KIF19: variants seen among roughly 807,000 people sequenced by gnomAD.
KIF19 encodes kinesin-like protein KIF19.
In KIF19, 98 loss-of-function variants were observed where a neutral mutation model predicts 106.6. The ratio of observed to expected loss-of-function variants is 0.92; its 90% CI spans 0.78 to 1.09. The LOEUF is 1.09. Among genes scored for constraint, KIF19 ranks in the 50% least tolerant of loss-of-function variants. KIF19 has a pLI of 0.00. For missense variants in KIF19, 1,373 were observed against 1,414.3 expected (o/e 0.97, Z 0.47); for synonymous variants, 516 against 584.2 (o/e 0.88, Z 1.68).
rs976709480 is a variant in KIF19 at position 74,331,337 on chromosome 17, A to T, written c.120+2832A>T. 6.6e-6 allele frequency among the ~76,000 whole-genome samples: 1 copy of T among 151,860 alleles called. No individual in the cohort carries two copies. Among genetic ancestry groups the T allele is most frequent in the Admixed American group, 6.6e-5 (1 of 15,246 alleles). The stretch of plus-strand genomic sequence containing the variant: ...GGGTGTATTTGGGAGCTGAGCCAGG[A>T]CATGTTCGTCCTGAGTGGGGAGAGG... On this transcript the variant is annotated intron_variant, in intron 2 of 19. Transcript: ENST00000389916. The surrounding 1 kb of genome is among the most constrained non-coding windows in gnomAD (Gnocchi z 4.1).
At chr17:74,335,242 T>A (rs2054191839) in intron 2 of KIF19, among the ~76,000 whole-genome samples, 1 of 152,140 alleles carries the variant, frequency 6.6e-6, no homozygotes, top group East Asian at 1.9e-4. Context: ...CATTCTACAA[T>A]GCACAGAACT....
intron 6 of KIF19, 89 bp downstream of exon 6, chr17:74,344,437 C>A: frequency 6.5e-7 from 1 of 1,532,004 alleles, no homozygotes; most frequent in Non-Finnish European, 8.8e-7. Context: ...CAGGGAGCTG[C>A]TCCCCACTCG....
chr17:74,338,266 A>G (rs1598378310), intron 2 of KIF19, among the ~76,000 whole-genome samples: 2 of 152,230 alleles, frequency 1.3e-5, no homozygotes, highest in Admixed American at 1.3e-4. Flanking sequence ...ATGGGGACCC[A>G]TACCGGGGAA....
chr17:74,330,580 C>T (rs1025981390), intron 2 of KIF19, among the ~76,000 whole-genome samples: 1 of 152,200 alleles, frequency 6.6e-6, no homozygotes, highest in Admixed American at 6.5e-5. Context: ...CTCTGCTACT[C>T]CTGGCTCCTG....
intron 2 of KIF19, among the ~76,000 whole-genome samples, chr17:74,338,696 A>G (rs778122615): frequency 1.1e-4 from 17 of 151,948 alleles, no homozygotes; most frequent in Admixed American, 6.5e-4. Flanking sequence ...GGTTTGACCC[A>G]GGGCACACGT....
intron 1 of KIF19, 115 bp downstream of exon 1, chr17:74,326,503 C>T (rs1214113407): frequency 3.0e-6 from 3 of 992,124 alleles, no homozygotes; most frequent in African/African-American, 1.6e-5. Flanking sequence ...AGGCAACGAC[C>T]AGGGCCGGGA....
rs544307330 is a variant in KIF19, at chr17:74,332,480, C to T, written c.120+3975C>T. On this transcript the variant is annotated intron_variant, in intron 2 of 19. Transcript: ENST00000389916. ...TCCAATCCCCCATCCCTCCCAAAGC[C>T]TGCAGCCCACAGACCCTCCTCCTAG... 2.0e-5 allele frequency among the ~76,000 whole-genome samples: 3 copies of T among 152,282 alleles called. No homozygotes were observed. The South Asian group carries it at 6.2e-4, about 32-fold the overall frequency.
intron 2 of KIF19, among the ~76,000 whole-genome samples, chr17:74,338,783 G>A (rs1015779448): frequency 3.3e-5 from 5 of 151,862 alleles, no homozygotes; most frequent in African/African-American, 4.8e-5. Context: ...CCGCAAGCTC[G>A]ATCTGGGTGG....
chr17:74,329,940 G>A (rs1049025192), intron 2 of KIF19, among the ~76,000 whole-genome samples: 3 of 152,220 alleles, frequency 2.0e-5, no homozygotes, highest in African/African-American at 4.8e-5. Flanking sequence ...CCTGGGCCCA[G>A]GATAAGCAAA....
intron 2 of KIF19, among the ~76,000 whole-genome samples, chr17:74,336,188 C>T (rs2054216190): frequency 6.6e-6 from 1 of 152,210 alleles, no homozygotes; most frequent in Admixed American, 6.5e-5. Flanking sequence ...CATGCCTCAG[C>T]CTCCCAAGTA....
In KIF19 at chr17:74,326,274, C is replaced by A. The variant is rs962739146; in HGVS notation, c.-76C>A. 1.4e-6 allele frequency: 2 copies of A among 1,406,376 alleles called. No homozygotes were observed. Among genetic ancestry groups the A allele is most frequent in the Non-Finnish European group, 1.9e-6 (2 of 1,037,522 alleles). The allele number at this position is 1,406,376 out of a possible 1,614,324, so 87.1% of individuals were successfully genotyped here. On this transcript the variant is annotated 5_prime_UTR_variant, in exon 1 of 20. Transcript: ENST00000389916. ...CGGCGGGCAGCTAGCAGCTGGCGGACGCGACCCGGAGGCGGTGGGGGTGCG... is the reference window on the plus strand; with the variant it reads ...CGGCGGGCAGCTAGCAGCTGGCGGAAGCGACCCGGAGGCGGTGGGGGTGCG...
Position 74,351,903 on chromosome 17 carries a change from C to T in KIF19, c.1624C>T (p.Arg542Trp), listed in dbSNP as rs1312259672. ...LEQRCRELRARGRRLEETLPR... is the reference protein window; with the variant it reads ...LEQRCRELRAWGRRLEETLPR... Reference sequence around the variant, plus strand: ...GCAGCGCTGCCGGGAGCTGCGCGCGCGGGGCCGGCGCCTGGAGGAGACGCT... The same window carrying T: ...GCAGCGCTGCCGGGAGCTGCGCGCGTGGGGCCGGCGCCTGGAGGAGACGCT... Residue 542 changes from arginine (R) to tryptophan (W), a missense_variant, in exon 13 of 20, where the codon CGG becomes TGG. By Grantham distance (101) the Arg-to-Trp change is moderately radical. This residue lies in a region of KIF19 where 1,020 missense variants were observed against 1,008.2 expected (regional missense o/e 1.01). Coordinates refer to ENST00000389916, the MANE Select transcript of KIF19 (RefSeq NM_153209.4). 1 of 1,415,142 alleles carries T rather than the reference C, an allele frequency of 7.1e-7. No individual in the cohort carries two copies. The highest frequency in any genetic ancestry group is 9.2e-7 in the Non-Finnish European group (1 of 1,092,892). 87.7% of individuals were successfully genotyped at this position (1,415,142 alleles called of 1,614,324 possible). A position where few individuals can be genotyped will look rare whatever the true frequency, so the allele number is the denominator to read the frequency against.
At chr17:74,334,755 CAAACAG>C (rs376603531) in intron 2 of KIF19, among the ~76,000 whole-genome samples, 32 of 152,276 alleles carry the variant, frequency 2.1e-4, no homozygotes, top group Admixed American at 5.2e-4. Context: ...AACAAACAAA[CAAACAG>C]AAACAGAAAC....
At chr17:74,342,780 C>A in intron 4 of KIF19, 63 bp downstream of exon 4, 1 of 1,473,926 alleles carries the variant, frequency 6.8e-7, no homozygotes, top group Non-Finnish European at 9.5e-7. Flanking sequence ...CGTCACCCTC[C>A]AACTAGTCTG....
chr17:74,355,190 G>T lies in KIF19; in HGVS notation c.2875G>T (p.Asp959Tyr), dbSNP rs1008156208. The stretch of plus-strand genomic sequence containing the variant: ...CCCTTTCCCTGTTGCAGGCCCGGGG[G>T]ACTCCTCACCCCTGGCTGTTCCCCC... ...LPPSQNTGPGDSSPLAVPPNP... is the reference protein window; with the variant it reads ...LPPSQNTGPGYSSPLAVPPNP... Residue 959 changes from aspartate to tyrosine, a missense_variant, in exon 20 of 20, where the codon GAC becomes TAC. This residue lies in a region of KIF19 where 1,020 missense variants were observed against 1,008.2 expected (regional missense o/e 1.01). Coordinates refer to ENST00000389916, the MANE Select transcript of KIF19 (RefSeq NM_153209.4). The T allele has an allele frequency of 3.7e-6, 6 of 1,600,772 alleles. No individual in the cohort carries two copies. In the African/African-American group the frequency reaches 6.7e-5, roughly 18 times the overall value.
In KIF19 at chr17:74,346,801, C is replaced by T. The variant is rs2054544187; in HGVS notation, c.924+277C>T. Among the ~76,000 whole-genome samples the T allele has an allele frequency of 6.6e-6, 1 of 152,184 alleles. No homozygotes were observed. Among genetic ancestry groups the T allele is most frequent in the African/African-American group, 2.4e-5 (1 of 41,436 alleles). On this transcript the variant is annotated intron_variant, in intron 8 of 19. Transcript: ENST00000389916. The surrounding 1 kb of genome is among the most constrained non-coding windows in gnomAD (Gnocchi z 4.6). ...GGAAGGAAAAGGAGCACGTGATACC[C>T]CCACCCAGGGCTGTGGGTCAGAGCC...
Position 74,341,961 on chromosome 17 carries a change from T to A in KIF19, c.206T>A (p.Val69Glu). 6.2e-7 allele frequency: 1 copy of A among 1,613,410 alleles called. No individual in the cohort carries two copies. Among genetic ancestry groups the A allele is most frequent in the Non-Finnish European group, 8.5e-7 (1 of 1,179,800 alleles). Residue 69 changes from valine (V) to glutamate (E), a missense_variant, in exon 3 of 20, where the codon GTG becomes GAG. Val to Glu is a moderately radical substitution (Grantham distance 121). Coordinates refer to ENST00000389916, the MANE Select transcript of KIF19 (RefSeq NM_153209.4). ...RSREKSYLFDVAFDFTATQEM... is the reference protein window; with the variant it reads ...RSREKSYLFDEAFDFTATQEM... Reference sequence around the variant, plus strand: ...CGGGAGAAGTCCTACCTGTTCGACGTGGCCTTTGACTTCACCGCCACCCAG... The same window carrying A: ...CGGGAGAAGTCCTACCTGTTCGACGAGGCCTTTGACTTCACCGCCACCCAG...
At chr17:74,330,833 G>A (rs550105773) in intron 2 of KIF19, among the ~76,000 whole-genome samples, 17 of 152,324 alleles carry the variant, frequency 1.1e-4, no homozygotes, top group African/African-American at 3.8e-4. Context: ...GTCAGCTGGA[G>A]GTGCGGAGAG....
chr17:74,337,582 A>C (rs1350489244), intron 2 of KIF19, among the ~76,000 whole-genome samples: 2 of 151,198 alleles, frequency 1.3e-5, no homozygotes, highest in Non-Finnish European at 1.5e-5. Context: ...TTCTCTCTCC[A>C]CTCCACCTCT....
Sources: allele counts gnomAD v4.1 joint callset (sites outside exome capture counted in the v4.1 genomes callset), GRCh38; gene constraint gnomAD v4.1.1; regional missense constraint gnomAD v4.1.1; non-coding constraint Gnocchi (gnomAD v3.1); transcripts MANE v1.5; gene names NCBI Gene and HGNC (gene_info 2026-07-23, HGNC 2026-07-21).